The following C19orf18 variants were observed in gnomAD, a reference collection of about 807,000 sequenced individuals.
C19orf18 encodes chromosome 19 open reading frame 18.
Under a neutral mutation model 23.3 loss-of-function variants are expected in C19orf18, and 21 were observed. That is an observed-to-expected ratio of 0.90 (90% confidence interval 0.64 to 1.30). The LOEUF is 1.30. C19orf18 is among the 50% of genes most tolerant of loss of function. The pLI, the probability that C19orf18 is intolerant of heterozygous loss-of-function variation, is 0.00. For missense variants in C19orf18, 249 were observed against 259.6 expected (o/e 0.96, Z 0.28); for synonymous variants, 96 against 95.2 (o/e 1.01, Z -0.05).
At chr19:57,973,843 T>C (rs1404780432) in intron 2 of C19orf18, among the ~76,000 whole-genome samples, 1 of 152,160 alleles carries the variant, frequency 6.6e-6, no homozygotes, top group Non-Finnish European at 1.5e-5. Context: ...ACCTGTGTAA[T>C]CTGGATGGGA....
intron 4 of C19orf18, among the ~76,000 whole-genome samples, chr19:57,964,919 T>G (rs1211879112): frequency 6.6e-6 from 1 of 152,118 alleles, no homozygotes; most frequent in African/African-American, 2.4e-5. Flanking sequence ...CTCACCTTTT[T>G]CTACCGTGAA....
rs780506728 is a variant in C19orf18, at chr19:57,966,566, G to A, written c.335C>T (p.Ala112Val). The A allele has an allele frequency of 1.6e-5, 26 of 1,612,480 alleles. No homozygotes were observed. Among genetic ancestry groups the A allele is most frequent in the Non-Finnish European group, 2.2e-5 (26 of 1,178,744 alleles). ...GGAGATTGCCATCCCACATATCAGG[G>A]CAATGCTGAAGGCTACGCTCGAAAT... ...ILISSVAFSI[A>V]LICGMAISYM... The change falls in exon 4 of 6, where the codon GCC (alanine) becomes GTC (valine). Residue 112 changes from alanine to valine, a missense_variant. Physicochemically the swap from Ala to Val is moderately conservative, Grantham distance 64 (BLOSUM62 0). Coordinates refer to ENST00000314391, the MANE Select transcript of C19orf18 (RefSeq NM_152474.5).
At chr19:57,963,367 A>C (rs1353690981) in intron 4 of C19orf18, among the ~76,000 whole-genome samples, 1 of 152,076 alleles carries the variant, frequency 6.6e-6, no homozygotes. Context: ...TGAAGCAAAA[A>C]AAACAAAATC....
In C19orf18 at chr19:57,966,528, A is replaced by G; in HGVS notation, c.371+2T>C. The stretch of plus-strand genomic sequence containing the variant: ...AGCAGATATTACTTAGCAGATACTT[A>G]CTATATCATATAGGAGATTGCCATC... On this transcript the variant is annotated splice_donor_variant, in intron 4 of 5. Coordinates refer to ENST00000314391, the MANE Select transcript of C19orf18 (RefSeq NM_152474.5). LOFTEE classifies it high-confidence loss of function. The G allele has an allele frequency of 6.4e-7, 1 of 1,568,122 alleles. No homozygotes were observed. Among genetic ancestry groups the G allele is most frequent in the East Asian group, 2.2e-5 (1 of 44,604 alleles).
At chr19:57,972,273 G>A (rs996901969) in intron 3 of C19orf18, among the ~76,000 whole-genome samples, 190 bp downstream of exon 3, 9 of 152,244 alleles carry the variant, frequency 5.9e-5, no homozygotes, top group Non-Finnish European at 8.8e-5. Context: ...GTGGAGTTGA[G>A]CCACCTTCTC....
intron 3 of C19orf18, 78 bp from the exon 4 acceptor site, chr19:57,966,710 A>G: frequency 1.1e-6 from 1 of 946,142 alleles, no homozygotes; most frequent in East Asian, 2.5e-5. Context: ...ATTTGTCCTT[A>G]CAGAGGGGAA....
chr19:57,960,204 A>G (rs1163900231), intron 5 of C19orf18, among the ~76,000 whole-genome samples: 1 of 151,964 alleles, frequency 6.6e-6, no homozygotes, highest in Non-Finnish European at 1.5e-5. Context: ...AGGTGGGTGG[A>G]TTACAAGGTC....
chr19:57,963,365 AAAAAAC>A (rs1844963526), intron 4 of C19orf18, among the ~76,000 whole-genome samples: 1 of 152,032 alleles, frequency 6.6e-6, no homozygotes, highest in Admixed American at 6.6e-5. Flanking sequence ...AATGAAGCAA[AAAAAAC>A]AAAATCCAGG....
At chr19:57,970,423 C>T (rs1312554449) in intron 3 of C19orf18, among the ~76,000 whole-genome samples, 1 of 152,198 alleles carries the variant, frequency 6.6e-6, no homozygotes, top group Non-Finnish European at 1.5e-5. Flanking sequence ...TTTGGAAATG[C>T]TGTCCCCATT....
At chr19:57,966,068 C>A (rs1373587442) in intron 4 of C19orf18, among the ~76,000 whole-genome samples, 1 of 151,700 alleles carries the variant, frequency 6.6e-6, no homozygotes, top group African/African-American at 2.4e-5. Context: ...AGCTCCGCCT[C>A]CCGGGTTCAC....
At chr19:57,971,865 G>A (rs774091285) in intron 3 of C19orf18, among the ~76,000 whole-genome samples, 6 of 152,244 alleles carry the variant, frequency 3.9e-5, no homozygotes, top group Non-Finnish European at 7.4e-5. Flanking sequence ...CTAGGGACCC[G>A]TGAGTATCAG....
At position 57,962,601 on chromosome 19, in the gene C19orf18, A is replaced by G. The variant is rs1046714120; in HGVS notation, c.372-1050T>C. Among the ~76,000 whole-genome samples, 4 of 152,186 alleles carry G rather than the reference A, an allele frequency of 2.6e-5. No individual in the cohort carries two copies. The East Asian group carries it at 7.7e-4, about 29-fold the overall frequency. ...CCAGGCGCGGTGGCTCACGCCAGTA[A>G]TCCCAGCACTTTGGTAGGCCGAGGC... On this transcript the variant is annotated intron_variant, in intron 4 of 5. Coordinates refer to ENST00000314391, the MANE Select transcript of C19orf18 (RefSeq NM_152474.5).
rs142557734 is a variant in C19orf18 at position 57,958,600 on chromosome 19, G to A, written c.*2C>T. 6.2e-4 allele frequency: 986 copies of A among 1,585,094 alleles called. 5 individuals are homozygous for A. In the African/African-American group the frequency reaches 0.012, roughly 19 times the overall value. On this transcript the variant is annotated 3_prime_UTR_variant, in exon 6 of 6. Transcript: ENST00000314391. ...CTCAGCCGGCACCTCTGTCGTCTGCGTTCACAAGTCTTCCATTTTTCCATT... is the reference window on the plus strand; with the variant it reads ...CTCAGCCGGCACCTCTGTCGTCTGCATTCACAAGTCTTCCATTTTTCCATT...
intron 1 of C19orf18, 47 bp from the exon 2 acceptor site, chr19:57,974,250 A>G (rs372041472): frequency 2.9e-4 from 461 of 1,613,266 alleles, no homozygotes; most frequent in Non-Finnish European, 2.4e-4. Context: ...CCTTCTTTTT[A>G]TCTCCCCTGA....
intron 5 of C19orf18, among the ~76,000 whole-genome samples, chr19:57,959,286 T>C (rs2123214071): frequency 6.6e-6 from 1 of 152,176 alleles, no homozygotes; most frequent in South Asian, 2.1e-4. Flanking sequence ...CCCAGGAGTT[T>C]GTGACCAACC....
In C19orf18 at chr19:57,974,215, A is replaced by C. The variant is rs1414371897; in HGVS notation, c.122-12T>G. On this transcript the variant is annotated splice_polypyrimidine_tract_variant and intron_variant, in intron 1 of 5. Coordinates refer to ENST00000314391, the MANE Select transcript of C19orf18 (RefSeq NM_152474.5). ...TGACCGTTTACTGCCTTGAAAAGAA[A>C]ACTTTTTGCGGTGAAATGTAATTAC... 3 of 1,613,706 alleles carry C rather than the reference A, an allele frequency of 1.9e-6. No individual in the cohort carries two copies. The highest frequency in any genetic ancestry group is 4.5e-5 in the East Asian group (2 of 44,878).
At chr19:57,971,212 T>TA (rs746233922) in intron 3 of C19orf18, among the ~76,000 whole-genome samples, 4 of 152,120 alleles carry the variant, frequency 2.6e-5, no homozygotes, top group Non-Finnish European at 4.4e-5. Flanking sequence ...GAGACTGCCC[T>TA]CCCAGGTCCA....
intron 3 of C19orf18, among the ~76,000 whole-genome samples, chr19:57,967,420 G>A (rs1272619972): frequency 2.0e-5 from 3 of 152,140 alleles, no homozygotes; most frequent in African/African-American, 7.2e-5. Flanking sequence ...AGTTCATTCT[G>A]GCTGCTGTAA....
Sources: allele counts gnomAD v4.1 joint callset (sites outside exome capture counted in the v4.1 genomes callset), GRCh38; gene constraint gnomAD v4.1.1; transcripts MANE v1.5; gene names NCBI Gene and HGNC (gene_info 2026-07-23, HGNC 2026-07-21).